The following RMI1 variants were observed in gnomAD, a reference collection of about 807,000 sequenced individuals.
RMI1 encodes recQ-mediated genome instability protein 1.
RMI1 carries 36 observed loss-of-function variants against 46.7 expected under a neutral mutation model. The observed-to-expected ratio is 0.77, with a 90% CI of 0.59 to 1.02. The LOEUF is 1.02. Ranked by LOEUF, RMI1 falls within the 50% of genes least tolerant of loss-of-function variation. RMI1 has a pLI of 0.00. For missense variants in RMI1, 676 were observed against 713.7 expected (o/e 0.95, Z 0.60); for synonymous variants, 250 against 252.9 (o/e 0.99, Z 0.11).
At chr9:83,980,638 G>A (rs1162646469), upstream of RMI1, 1 of 153,252 alleles carries the variant, frequency 6.5e-6, no homozygotes, top group Non-Finnish European at 1.5e-5. Context: ...ACTAGCTGGG[G>A]GGAGGGGCGG....
At chr9:83,986,310 A>C (rs1588459173) in intron 1 of RMI1, among the ~76,000 whole-genome samples, 1 of 152,190 alleles carries the variant, frequency 6.6e-6, no homozygotes, top group African/African-American at 2.4e-5. Flanking sequence ...CTTGTTATTT[A>C]CGTGAGATCT....
intron 1 of RMI1, among the ~76,000 whole-genome samples, chr9:83,987,300 G>T (rs1052563106): frequency 2.0e-5 from 3 of 152,138 alleles, no homozygotes; most frequent in African/African-American, 7.2e-5. Flanking sequence ...TGATCCACCC[G>T]CCTCGGCCTC....
chr9:83,995,424 C>CT (rs5898840), intron 1 of RMI1, among the ~76,000 whole-genome samples: 57,434 of 139,836 alleles, frequency 0.41, 12,454 homozygotes, highest in Admixed American at 0.51. Context: ...TGTGTAATAT[C>CT]TTTTTTTTTT....
At chr9:83,992,049 T>G (rs1588464586) in intron 1 of RMI1, among the ~76,000 whole-genome samples, 1 of 152,250 alleles carries the variant, frequency 6.6e-6, no homozygotes, top group East Asian at 1.9e-4. Flanking sequence ...GGAATTGCAT[T>G]GAATCTATAG....
At position 83,980,885 on chromosome 9, in the gene RMI1, C is replaced by T. The variant is rs1588450748; in HGVS notation, c.-132C>T. The T allele has an allele frequency of 6.6e-6, 1 of 152,520 alleles. No homozygotes were observed. Among genetic ancestry groups the T allele is most frequent in the African/African-American group, 2.4e-5 (1 of 41,588 alleles). 9.4% of individuals were successfully genotyped at this position (152,520 alleles called of 1,614,324 possible). On this transcript the variant is annotated 5_prime_UTR_variant, in exon 1 of 3. In the 5' UTR this introduces an upstream ATG that the reference lacks. Coordinates refer to ENST00000445877, the MANE Select transcript of RMI1 (RefSeq NM_001358291.2). The stretch of plus-strand genomic sequence containing the variant: ...GATGTTGCGCGAGGAAAATGCGGGA[C>T]GCCCAGGTCGGTGCTCGGCCCAGAC...
rs544420132 is a variant in RMI1 at position 83,991,610 on chromosome 9, G to A, written c.-125-8099G>A. On this transcript the variant is annotated intron_variant, in intron 1 of 2. Coordinates refer to ENST00000445877, the MANE Select transcript of RMI1 (RefSeq NM_001358291.2). ...TAGGATTATAGGCATGAGCCACCAC[G>A]TCCAGCCTGGTGTCATTTTTCTAGG... is the stretch of plus-strand genomic sequence containing the variant. Among the ~76,000 whole-genome samples the A allele has an allele frequency of 3.9e-5, 6 of 152,144 alleles. No individual in the cohort carries two copies. In the South Asian group the frequency reaches 6.2e-4, roughly 16 times the overall value.
At chr9:83,987,645 T>C (rs1054936098) in intron 1 of RMI1, among the ~76,000 whole-genome samples, 3 of 152,188 alleles carry the variant, frequency 2.0e-5, no homozygotes, top group Non-Finnish European at 4.4e-5. Flanking sequence ...CTTTTGCCCC[T>C]TGTAGTCAAC....
intron 1 of RMI1, among the ~76,000 whole-genome samples, chr9:83,986,797 C>T (rs1163360954): frequency 6.6e-6 from 1 of 152,154 alleles, no homozygotes; most frequent in Non-Finnish European, 1.5e-5. Context: ...TTCTGTCCAG[C>T]CTTGACCTTT....
At chr9:83,995,779 TAA>T (rs1264655317) in intron 1 of RMI1, among the ~76,000 whole-genome samples, 2 of 152,222 alleles carry the variant, frequency 1.3e-5, no homozygotes, top group African/African-American at 4.8e-5. Context: ...TTCTAATGCA[TAA>T]GTTATCTCCT....
chr9:83,982,941 TAAC>T (rs1293751914), intron 1 of RMI1, among the ~76,000 whole-genome samples: 2 of 152,236 alleles, frequency 1.3e-5, no homozygotes, highest in South Asian at 2.1e-4. Flanking sequence ...TTCAAGAACT[TAAC>T]AATACATTCA....
Position 84,001,825 on chromosome 9 carries a change from C to T in RMI1, c.839C>T (p.Thr280Ile), listed in dbSNP as rs1487820285. The change falls in exon 3 of 3, where the codon ACA becomes ATA. Residue 280 changes from threonine (T) to isoleucine (I), a missense_variant. Coordinates refer to ENST00000445877, the MANE Select transcript of RMI1 (RefSeq NM_001358291.2). The part of the protein sequence containing the change: ...TTGSSSNTIP[T>I]RQSSFEPEFV... The stretch of plus-strand genomic sequence containing the variant: ...GGTAGTTCCTCAAATACCATTCCCA[C>T]AAGACAGTCAAGTTTTGAGCCAGAA... 6.2e-7 allele frequency: 1 copy of T among 1,614,096 alleles called. No individual in the cohort carries two copies. Among genetic ancestry groups the T allele is most frequent in the African/African-American group, 1.3e-5 (1 of 75,062 alleles).
Position 84,002,333 on chromosome 9 carries a change from CTATG to C in RMI1, c.1350_1353del (p.Val451ArgfsTer20). 6.2e-7 allele frequency: 1 copy of C among 1,602,556 alleles called. No individual in the cohort carries two copies. The highest frequency in any genetic ancestry group is 8.5e-7 in the Non-Finnish European group (1 of 1,170,722). ...AAATATTAAATAGAGAGGTGGTCAA[CTATG>C]TACAGAAAAGGAATTCACAAATTTC... On this transcript the variant is annotated frameshift_variant, in exon 3 of 3. Transcript: ENST00000445877. LOFTEE classifies it high-confidence loss of function.
intron 1 of RMI1, among the ~76,000 whole-genome samples, chr9:83,996,043 G>A (rs1957647717): frequency 6.6e-6 from 1 of 152,102 alleles, no homozygotes; most frequent in Non-Finnish European, 1.5e-5. Flanking sequence ...CTGCTGATTG[G>A]TAGTAATTTT....
rs771692381 is a variant in RMI1, at chr9:84,001,807, C to T, written c.821C>T (p.Ser274Phe). 6 of 1,613,790 alleles carry T rather than the reference C, an allele frequency of 3.7e-6. No individual in the cohort carries two copies. The highest frequency in any genetic ancestry group is 1.3e-5 in the African/African-American group (1 of 74,894). Reference sequence around the variant, plus strand: ...GAACGATGTTTCACCACAGGTAGTTCCTCAAATACCATTCCCACAAGACAG... The same window carrying T: ...GAACGATGTTTCACCACAGGTAGTTTCTCAAATACCATTCCCACAAGACAG... Reference protein sequence around the residue: ...SSERCFTTGSSSNTIPTRQSS... With the variant: ...SSERCFTTGSFSNTIPTRQSS... The change falls in exon 3 of 3, where the codon TCC becomes TTC. Residue 274 changes from serine to phenylalanine, a missense_variant. Ser to Phe is a radical substitution (Grantham distance 155, BLOSUM62 -2). Transcript: ENST00000445877.
chr9:83,984,589 T>C (rs370703873), intron 1 of RMI1, among the ~76,000 whole-genome samples: 12 of 151,044 alleles, frequency 7.9e-5, no homozygotes, highest in African/African-American at 2.9e-4. Context: ...GAGACAAAGT[T>C]TCGTTCTTGT....
chr9:84,001,794 A>G lies in RMI1; in HGVS notation c.808A>G (p.Thr270Ala). The change falls in exon 3 of 3, where the codon ACC becomes GCC. Residue 270 changes from threonine to alanine, a missense_variant. By Grantham distance (58) the Thr-to-Ala change is moderately conservative. Transcript: ENST00000445877. The stretch of plus-strand genomic sequence containing the variant: ...TGACACTTCCTCAGAACGATGTTTC[A>G]CCACAGGTAGTTCCTCAAATACCAT... Reference protein sequence around the residue: ...NNDTSSERCFTTGSSSNTIPT... With the variant: ...NNDTSSERCFATGSSSNTIPT... 6.2e-7 allele frequency: 1 copy of G among 1,614,072 alleles called. No homozygotes were observed. Among genetic ancestry groups the G allele is most frequent in the Non-Finnish European group, 8.5e-7 (1 of 1,179,968 alleles).
At chr9:83,997,108 CT>C (rs35796088) in intron 1 of RMI1, among the ~76,000 whole-genome samples, 10,774 of 60,462 alleles carry the variant, frequency 0.18, 443 homozygotes, top group African/African-American at 0.26. Flanking sequence ...ACACCCCCCC[CT>C]TTTTTTTTTT....
At chr9:83,990,510 TAA>T (rs55939734) in intron 1 of RMI1, among the ~76,000 whole-genome samples, 3 of 141,154 alleles carry the variant, frequency 2.1e-5, no homozygotes, top group Non-Finnish European at 3.0e-5. Context: ...AATGCTGTCT[TAA>T]AAAAAAAAAA....
In RMI1 at chr9:84,003,991, TG is replaced by T. The variant is rs60272798; in HGVS notation, c.*1128del. 3 of 163,246 alleles carry T rather than the reference TG, an allele frequency of 1.8e-5. No individual in the cohort carries two copies. In the East Asian group the frequency reaches 5.8e-4, roughly 31 times the overall value. 10.1% of individuals were successfully genotyped at this position (163,246 alleles called of 1,614,324 possible). A position where few individuals can be genotyped will look rare whatever the true frequency, so the allele number is the denominator to read the frequency against. ...TTATAAAGTTGTATTTGAAAGGTAA[TG>T]TTGTTTTTATTAATCTTTTGTCTTA... is the stretch of plus-strand genomic sequence containing the variant. On this transcript the variant is annotated 3_prime_UTR_variant, in exon 3 of 3. Transcript: ENST00000445877.
Sources: gnomAD v4.1 joint callset for allele counts (sites outside exome capture counted in the v4.1 genomes callset) on GRCh38, gnomAD v4.1.1 for gene constraint, MANE v1.5 for transcripts, NCBI Gene and HGNC (gene_info 2026-07-23, HGNC 2026-07-21) for gene names.